The following ARHGAP42 variants were observed in gnomAD, a reference collection of about 807,000 sequenced individuals.
The protein encoded by ARHGAP42 is Rho GTPase activating protein 42.
ARHGAP42 carries 63 observed loss-of-function variants against 125.0 expected under a neutral mutation model. The ratio of observed to expected loss-of-function variants is 0.50; its 90% CI spans 0.41 to 0.62. The LOEUF (loss-of-function observed/expected upper bound fraction) is 0.62. Ranked by LOEUF, ARHGAP42 falls within the 20% of genes least tolerant of loss-of-function variation. The pLI, the probability that ARHGAP42 is intolerant of heterozygous loss-of-function variation, is 0.00. For synonymous variants in ARHGAP42, 339 were observed against 351.0 expected (o/e 0.97, Z 0.38); for missense variants, 766 against 1,024.2 (o/e 0.75, Z 3.44).
chr11:100,886,185 C>G (rs984559179), intron 4 of ARHGAP42, among the ~76,000 whole-genome samples: 2 of 152,138 alleles, frequency 1.3e-5, no homozygotes, highest in African/African-American at 4.8e-5. Context: ...AATGAAATTT[C>G]TACTGTAAAA....
intron 4 of ARHGAP42, among the ~76,000 whole-genome samples, chr11:100,867,136 A>G (rs1391761478): frequency 6.6e-6 from 1 of 152,222 alleles, no homozygotes. Context: ...GATTCCACAT[A>G]CATCTTAAGG....
rs544801724 is a variant in ARHGAP42, at chr11:100,873,119, A to T, written c.384+13494A>T. Among the ~76,000 whole-genome samples, 32 of 152,188 alleles carry T rather than the reference A, an allele frequency of 2.1e-4. 1 individual carries two copies. The highest frequency in any genetic ancestry group is 4.1e-4 in the Non-Finnish European group (28 of 68,034). ...GACTGGTGGAAATTCTCCAGTCAGC[A>T]CAGGGGAAAATGGCATCCCTGGCAA... is the stretch of plus-strand genomic sequence containing the variant. On this transcript the variant is annotated intron_variant, in intron 4 of 23. Coordinates refer to ENST00000298815, the MANE Select transcript of ARHGAP42 (RefSeq NM_152432.4).
chr11:100,844,315 CT>C (rs1591231214), intron 3 of ARHGAP42, among the ~76,000 whole-genome samples: 4 of 147,962 alleles, frequency 2.7e-5, no homozygotes, highest in African/African-American at 1.1e-4. Flanking sequence ...GTATCTAGGA[CT>C]TAAATCTAAG....
chr11:100,889,927 C>G (rs547066780), intron 4 of ARHGAP42, among the ~76,000 whole-genome samples: 1 of 152,224 alleles, frequency 6.6e-6, no homozygotes, highest in South Asian at 2.1e-4. Flanking sequence ...GGATCTGGGT[C>G]ATGTTATCAG....
At chr11:100,831,679 G>A (rs932200105) in intron 3 of ARHGAP42, among the ~76,000 whole-genome samples, 2 of 152,092 alleles carry the variant, frequency 1.3e-5, no homozygotes, top group Admixed American at 6.5e-5. Context: ...CCTCTGCCAG[G>A]GCATGGTGGT....
intron 1 of ARHGAP42, among the ~76,000 whole-genome samples, chr11:100,717,489 T>G (rs2120258628): frequency 6.6e-6 from 1 of 151,920 alleles, no homozygotes; most frequent in Non-Finnish European, 1.5e-5. Flanking sequence ...TACAAAAAAT[T>G]AGCTGGACGT....
At chr11:100,806,638 A>G (rs554065535) in intron 3 of ARHGAP42, among the ~76,000 whole-genome samples, 1 of 152,230 alleles carries the variant, frequency 6.6e-6, no homozygotes, top group South Asian at 2.1e-4. Context: ...CTACATGCAT[A>G]AAGTTCTGAT....
chr11:100,741,220 G>A (rs541441558), intron 1 of ARHGAP42, among the ~76,000 whole-genome samples: 2 of 152,018 alleles, frequency 1.3e-5, no homozygotes, highest in Non-Finnish European at 2.9e-5. Flanking sequence ...TAGTACAGAC[G>A]GGGTTTCACC....
At chr11:100,940,302 C>G (rs1295597816) in intron 8 of ARHGAP42, among the ~76,000 whole-genome samples, 1 of 152,054 alleles carries the variant, frequency 6.6e-6, no homozygotes, top group East Asian at 1.9e-4. Flanking sequence ...TGAAATGAAG[C>G]CAGCAAAAAC....
chr11:100,929,281 T>C (rs993835194), intron 6 of ARHGAP42, among the ~76,000 whole-genome samples: 2 of 152,174 alleles, frequency 1.3e-5, no homozygotes, highest in African/African-American at 4.8e-5. Context: ...AGCACTGATC[T>C]GATAGGAGGC....
At chr11:100,950,020 GGTGATT>G in intron 12 of ARHGAP42, 64 bp downstream of exon 12, 1 of 1,024,424 alleles carries the variant, frequency 9.8e-7, no homozygotes, top group Non-Finnish European at 1.4e-6. Context: ...AAAAGCATTA[GGTGATT>G]GTAAGTATTC....
chr11:100,699,504 A>ATAT, intron 1 of ARHGAP42, among the ~76,000 whole-genome samples: 1 of 33,560 alleles, frequency 3.0e-5, no homozygotes, highest in Admixed American at 6.3e-4. Flanking sequence ...ATATATATAT[A>ATAT]TATTTTTTTT....
At chr11:100,767,168 T>C (rs1004614922) in intron 1 of ARHGAP42, among the ~76,000 whole-genome samples, 28 of 152,346 alleles carry the variant, frequency 1.8e-4, no homozygotes, top group African/African-American at 6.0e-4. Context: ...TTCTTAGATA[T>C]TGAACATGGA....
intron 3 of ARHGAP42, among the ~76,000 whole-genome samples, chr11:100,797,003 G>C (rs1012667631): frequency 6.6e-6 from 1 of 152,070 alleles, no homozygotes; most frequent in Non-Finnish European, 1.5e-5. Flanking sequence ...TCCTGACCTC[G>C]TGATCAGCCT....
At chr11:100,822,176 AATAT>A (rs1864419630) in intron 3 of ARHGAP42, among the ~76,000 whole-genome samples, 1 of 152,164 alleles carries the variant, frequency 6.6e-6, no homozygotes, top group African/African-American at 2.4e-5. Flanking sequence ...AAATATTTTT[AATAT>A]TTTCGTTCCA....
intron 4 of ARHGAP42, among the ~76,000 whole-genome samples, chr11:100,896,383 G>T (rs1169955107): frequency 6.6e-6 from 1 of 152,192 alleles, no homozygotes; most frequent in African/African-American, 2.4e-5. Context: ...GGGTCAAATG[G>T]TATTTCTAGT....
At chr11:100,825,158 T>C (rs73577311) in intron 3 of ARHGAP42, among the ~76,000 whole-genome samples, 1,750 of 152,322 alleles carry the variant, frequency 0.011, 47 homozygotes, top group African/African-American at 0.039. Context: ...TACCTTTACT[T>C]AATCAACTGG....
chr11:100,786,221 A>G (rs1178056241), intron 2 of ARHGAP42, among the ~76,000 whole-genome samples: 1 of 152,206 alleles, frequency 6.6e-6, no homozygotes, highest in African/African-American at 2.4e-5. Context: ...AGGGAACATC[A>G]GAATTGCACA....
rs1867734180 is a variant in ARHGAP42 at position 100,936,229 on chromosome 11, A to C, written c.729A>C (p.Arg243=). ...QNTRNNFEST[R]QEVERLMQRM... ...CAAGGAATAATTTTGAAAGTACTCG[A>C]CAAGAGGTAGAGCGGTTGATGCAAA... is the stretch of plus-strand genomic sequence containing the variant. The change falls in exon 8 of 24, where the codon CGA becomes CGC. Residue 243 remains arginine (R), a synonymous_variant. Transcript: ENST00000298815. 1 of 1,551,668 alleles carries C rather than the reference A, an allele frequency of 6.4e-7. No homozygotes were observed. The highest frequency in any genetic ancestry group is 2.0e-5 in the Admixed American group (1 of 50,970).
Sources: allele counts gnomAD v4.1 joint callset (sites outside exome capture counted in the v4.1 genomes callset), GRCh38; gene constraint gnomAD v4.1.1; transcripts MANE v1.5; gene names NCBI Gene and HGNC (gene_info 2026-07-23, HGNC 2026-07-21).